The following SPATA13 variants were observed in gnomAD, a reference collection of about 807,000 sequenced individuals.
The protein encoded by SPATA13 is spermatogenesis associated 13.
SPATA13 carries 50 observed loss-of-function variants against 104.0 expected under a neutral mutation model. The observed-to-expected ratio is 0.48, with a 90% CI of 0.38 to 0.61. The LOEUF is 0.61. SPATA13 is among the 20% of genes least tolerant of loss of function. The probability of loss-of-function intolerance (pLI) is 0.00; values close to 1 mark genes in which losing one functional copy is unlikely to be tolerated. For missense variants in SPATA13, 1,524 were observed against 1,690.6 expected (o/e 0.90, Z 1.73); for synonymous variants, 606 against 667.5 (o/e 0.91, Z 1.42).
intron 1 of SPATA13, among the ~76,000 whole-genome samples, chr13:24,166,957 C>T (rs12866680): frequency 0.32 from 49,062 of 152,160 alleles, 8,247 homozygotes; most frequent in East Asian, 0.58. Flanking sequence ...TACATTCAGA[C>T]CGTAGCAGTT....
intron 3 of SPATA13, among the ~76,000 whole-genome samples, chr13:24,018,659 G>A (rs1876824981): frequency 6.6e-6 from 1 of 152,104 alleles, no homozygotes. Context: ...TTTAGCAGAG[G>A]GTTACTTATT....
chr13:24,058,886 G>C (rs748143271), intron 3 of SPATA13, among the ~76,000 whole-genome samples: 4 of 151,722 alleles, frequency 2.6e-5, no homozygotes, highest in Non-Finnish European at 5.9e-5. Context: ...CTGTGCATTT[G>C]TTTACCCCAG....
chr13:24,148,323 T>G (rs1881997058), intron 3 of SPATA13, among the ~76,000 whole-genome samples: 1 of 152,158 alleles, frequency 6.6e-6, no homozygotes, highest in African/African-American at 2.4e-5. Context: ...CCCCGTTGTC[T>G]TTTGTGCACA....
At chr13:24,155,193 A>G (rs1593364503) in intron 3 of SPATA13, among the ~76,000 whole-genome samples, 2 of 152,192 alleles carry the variant, frequency 1.3e-5, no homozygotes, top group Non-Finnish European at 2.9e-5. Flanking sequence ...TAAGGTTCCA[A>G]GCAGTTTGCC....
At chr13:24,234,222 T>C (rs958718179) in intron 2 of SPATA13, among the ~76,000 whole-genome samples, 1 of 152,216 alleles carries the variant, frequency 6.6e-6, no homozygotes, top group African/African-American at 2.4e-5. Context: ...GTTTAAGAAA[T>C]GATAGGAAGC....
chr13:24,132,760 G>A lies in SPATA13; in HGVS notation c.-111-90059G>A, dbSNP rs188646528. On this transcript the variant is annotated intron_variant, in intron 3 of 14. Transcript: ENST00000424834. ...AGGCCAAGGCAGGTGGATCACCTGAGGTCAAGAGTTCGAGACCAGCCTGGC... is the reference window on the plus strand; with the variant it reads ...AGGCCAAGGCAGGTGGATCACCTGAAGTCAAGAGTTCGAGACCAGCCTGGC... 2.4e-4 allele frequency among the ~76,000 whole-genome samples: 36 copies of A among 152,190 alleles called. No homozygotes were observed. The East Asian group carries it at 6.6e-3, about 28-fold the overall frequency.
In SPATA13 at chr13:24,192,018, A is replaced by G. The variant is rs114201334; in HGVS notation, c.-111-30801A>G. Among the ~76,000 whole-genome samples, 482 of 152,260 alleles carry G rather than the reference A, an allele frequency of 3.2e-3. 3 individuals carry two copies. The highest frequency in any genetic ancestry group is 0.011 in the African/African-American group (465 of 41,548). On this transcript the variant is annotated intron_variant, in intron 1 of 12. Transcript: ENST00000382108. ...AAAGAAAAATACACGGCAAAGTGAGATGGAGTCCTGCTAACAAGCCCCCAC... is the reference window on the plus strand; with the variant it reads ...AAAGAAAAATACACGGCAAAGTGAGGTGGAGTCCTGCTAACAAGCCCCCAC...
chr13:24,026,670 C>A (rs374428341), intron 3 of SPATA13, among the ~76,000 whole-genome samples: 1 of 152,164 alleles, frequency 6.6e-6, no homozygotes, highest in Non-Finnish European at 1.5e-5. Context: ...CTCCGCCTCC[C>A]GGGTTCACGC....
chr13:24,136,345 G>A (rs902360772), intron 3 of SPATA13, among the ~76,000 whole-genome samples: 6 of 151,938 alleles, frequency 3.9e-5, no homozygotes, highest in East Asian at 1.9e-4. Context: ...GTGTGGTGGC[G>A]CATGCCTGTA....
intron 3 of SPATA13, among the ~76,000 whole-genome samples, chr13:24,042,490 G>A (rs1298198018): frequency 6.6e-6 from 1 of 152,130 alleles, no homozygotes; most frequent in Non-Finnish European, 1.5e-5. Context: ...CGATCCTCAC[G>A]AGTCACTGAG....
At chr13:23,999,858 G>A (rs1593266922) in intron 2 of SPATA13, among the ~76,000 whole-genome samples, 1 of 152,118 alleles carries the variant, frequency 6.6e-6, no homozygotes, top group South Asian at 2.1e-4. Flanking sequence ...CCCCTATTTA[G>A]ATACTTATGC....
intron 3 of SPATA13, among the ~76,000 whole-genome samples, chr13:24,152,950 C>A (rs987472762): frequency 1.3e-5 from 2 of 152,210 alleles, no homozygotes; most frequent in South Asian, 4.1e-4. Context: ...CTCCGTGTAA[C>A]CTTTAAGTAC....
chr13:24,284,105 T>TAATAA (rs1326174560), intron 4 of SPATA13, 30 bp from the exon 5 acceptor site: 2 of 1,582,770 alleles, frequency 1.3e-6, no homozygotes, highest in African/African-American at 2.7e-5. Flanking sequence ...CTGTGTCTTT[T>TAATAA]AAATCATGCC....
chr13:24,238,004 A>AT (rs1872655802), intron 2 of SPATA13, among the ~76,000 whole-genome samples: 3 of 148,168 alleles, frequency 2.0e-5, no homozygotes, highest in Non-Finnish European at 3.0e-5. Context: ...ATATATATAT[A>AT]AATATATATA....
chr13:24,251,758 C>A lies in SPATA13; in HGVS notation c.2060C>A (p.Pro687His). Residue 687 changes from proline (P) to histidine (H), a missense_variant, in exon 4 of 13, where the codon CCC (proline) becomes CAC (histidine). Around this residue, in one of 2 missense-constraint regions of SPATA13, gnomAD observed 1,089 missense variants for 1,135.9 expected, o/e 0.96. Transcript: ENST00000382108. ...RPPMPAHQVP[P>H]YKAVSARFRP... ...CCCATGCCTGCTCACCAGGTGCCAC[C>A]CTACAAGGCTGTGTCGGCCCGGTTC... is the stretch of plus-strand genomic sequence containing the variant. 1 of 1,614,172 alleles carries A rather than the reference C, an allele frequency of 6.2e-7. No homozygotes were observed. Among genetic ancestry groups the A allele is most frequent in the South Asian group, 1.1e-5 (1 of 91,090 alleles).
upstream of SPATA13, among the ~76,000 whole-genome samples, chr13:24,159,988 T>C (rs1324309582): frequency 6.6e-6 from 1 of 152,194 alleles, no homozygotes; most frequent in Non-Finnish European, 1.5e-5. Flanking sequence ...GGTTTTCATG[T>C]CAATTAATGA....
intron 2 of SPATA13, among the ~76,000 whole-genome samples, chr13:24,005,373 G>T (rs1876176351): frequency 6.6e-6 from 1 of 152,186 alleles, no homozygotes; most frequent in East Asian, 1.9e-4. Context: ...GGGTTGCCTT[G>T]CTTCTTAGAC....
chr13:24,279,745 C>T (rs946997263), intron 4 of SPATA13, among the ~76,000 whole-genome samples: 2 of 152,200 alleles, frequency 1.3e-5, no homozygotes, highest in Non-Finnish European at 2.9e-5. Flanking sequence ...GTGACTTGCA[C>T]CAAGGTCATT....
At chr13:23,994,232 C>T (rs748349275) in intron 2 of SPATA13, among the ~76,000 whole-genome samples, 10 of 152,098 alleles carry the variant, frequency 6.6e-5, no homozygotes, top group Non-Finnish European at 1.3e-4. Context: ...TACCTTTGAC[C>T]AAACCTATGG....
Sources: allele counts gnomAD v4.1 joint callset (sites outside exome capture counted in the v4.1 genomes callset), GRCh38; gene constraint gnomAD v4.1.1; regional missense constraint gnomAD v4.1.1; transcripts MANE v1.5; gene names NCBI Gene and HGNC (gene_info 2026-07-23, HGNC 2026-07-21).